Variants in PLS1 observed in about 807,000 individuals in gnomAD.
PLS1 encodes plastin-1.
A neutral mutation model predicts 73.7 loss-of-function variants in PLS1; 32 were observed. The ratio of observed to expected loss-of-function variants is 0.43; its 90% CI spans 0.33 to 0.58. The LOEUF is 0.58. Among genes scored for constraint, PLS1 ranks in the 20% least tolerant of loss-of-function variants. The pLI, the probability that PLS1 is intolerant of heterozygous loss-of-function variation, is 0.04. For missense variants in PLS1, 633 were observed against 740.5 expected (o/e 0.85, Z 1.68); for synonymous variants, 217 against 261.3 (o/e 0.83, Z 1.63).
At chr3:142,682,275 T>A (rs2037871225) in intron 6 of PLS1, among the ~76,000 whole-genome samples, 2 of 152,060 alleles carry the variant, frequency 1.3e-5, no homozygotes, top group Non-Finnish European at 2.9e-5. Flanking sequence ...ATTTGAAGAG[T>A]TAATGGGTCT....
intron 1 of PLS1, among the ~76,000 whole-genome samples, chr3:142,654,515 A>T (rs1455255480): frequency 6.6e-6 from 1 of 151,526 alleles, no homozygotes; most frequent in Non-Finnish European, 1.5e-5. Flanking sequence ...TGGCTAACTT[A>T]AAATTTTTTT....
chr3:142,648,358 T>G (rs980364171), intron 1 of PLS1, among the ~76,000 whole-genome samples: 5 of 152,086 alleles, frequency 3.3e-5, no homozygotes, highest in African/African-American at 1.2e-4. Flanking sequence ...GTTGAAAGGT[T>G]TGGAGTCTAT....
intron 10 of PLS1, among the ~76,000 whole-genome samples, chr3:142,693,725 C>T (rs1247440060): frequency 6.6e-6 from 1 of 152,106 alleles, no homozygotes; most frequent in Admixed American, 6.6e-5. Flanking sequence ...AGCACTGTTA[C>T]AAAGGGAATG....
At position 142,669,451 on chromosome 3, in the gene PLS1, C is replaced by T. The variant is rs753381485; in HGVS notation, c.132C>T (p.Ser44=). ...YELQDLFKEA[S]LPLPGYKVRE... The stretch of plus-strand genomic sequence containing the variant: ...TTCAAGACCTGTTTAAGGAAGCAAG[C>T]CTTCCTCTGCCTGGCTACAAGGTGC... The change falls in exon 3 of 16, where the codon AGC becomes AGT. Residue 44 remains serine, a synonymous_variant. Coordinates refer to ENST00000457734, the MANE Select transcript of PLS1 (RefSeq NM_001145319.2). 8.7e-6 allele frequency: 14 copies of T among 1,609,234 alleles called. No homozygotes were observed. Among genetic ancestry groups the T allele is most frequent in the Admixed American group, 1.7e-5 (1 of 59,960 alleles).
At chr3:142,626,261 A>G (rs554771630) in intron 1 of PLS1, among the ~76,000 whole-genome samples, 2 of 152,332 alleles carry the variant, frequency 1.3e-5, no homozygotes, top group African/African-American at 4.8e-5. Context: ...GCATCTTAGC[A>G]AACACAATAT....
intron 1 of PLS1, among the ~76,000 whole-genome samples, chr3:142,640,737 T>C (rs1351048748): frequency 6.6e-6 from 1 of 152,100 alleles, no homozygotes; most frequent in Admixed American, 6.6e-5. Flanking sequence ...TGGTGTCTGA[T>C]GTGGATTTGG....
intron 1 of PLS1, among the ~76,000 whole-genome samples, chr3:142,652,193 C>G (rs2037109462): frequency 6.6e-6 from 1 of 152,148 alleles, no homozygotes; most frequent in Admixed American, 6.5e-5. Context: ...AACTGATTCC[C>G]ACTTCGTAGA....
At chr3:142,636,289 T>C (rs1303060582) in intron 1 of PLS1, among the ~76,000 whole-genome samples, 2 of 152,164 alleles carry the variant, frequency 1.3e-5, no homozygotes, top group Non-Finnish European at 2.9e-5. Flanking sequence ...ATAAATAGGC[T>C]CACACATATG....
intron 1 of PLS1, among the ~76,000 whole-genome samples, chr3:142,629,822 A>T (rs2036514485): frequency 6.6e-6 from 1 of 152,156 alleles, no homozygotes; most frequent in African/African-American, 2.4e-5. Context: ...CTTTGTTTTA[A>T]GGGGATCTCC....
At chr3:142,696,476 T>G (rs185669603) in intron 11 of PLS1, among the ~76,000 whole-genome samples, 1 of 152,280 alleles carries the variant, frequency 6.6e-6, no homozygotes, top group Admixed American at 6.5e-5. Context: ...TGGAACCATG[T>G]GTCCATAGAA....
Position 142,711,502 on chromosome 3 carries a change from A to C in PLS1, c.1631A>C (p.Asp544Ala). 6.3e-7 allele frequency: 1 copy of C among 1,576,700 alleles called. No homozygotes were observed. Among genetic ancestry groups the C allele is most frequent in the Non-Finnish European group, 8.7e-7 (1 of 1,149,580 alleles). The part of the protein sequence containing the change: ...NKKTSISSFK[D>A]KSISTSLPVL... Reference sequence around the variant, plus strand: ...GTTCATCTATGCTTTATTTTCTAGGATAAATCTATAAGCACAAGTTTACCT... The same window carrying C: ...GTTCATCTATGCTTTATTTTCTAGGCTAAATCTATAAGCACAAGTTTACCT... The change falls in exon 15 of 16, where the codon GAT becomes GCT. Residue 544 changes from aspartate to alanine, a missense_variant and splice_region_variant. By Grantham distance (126) the Asp-to-Ala change is moderately radical. Coordinates refer to ENST00000457734, the MANE Select transcript of PLS1 (RefSeq NM_001145319.2).
chr3:142,639,556 C>T (rs959724371), intron 1 of PLS1, among the ~76,000 whole-genome samples: 2 of 152,136 alleles, frequency 1.3e-5, no homozygotes, highest in African/African-American at 4.8e-5. Flanking sequence ...ATACGGACAC[C>T]TCTTCTTCAT....
intron 1 of PLS1, among the ~76,000 whole-genome samples, chr3:142,632,669 AC>A (rs1373228251): frequency 1.3e-5 from 2 of 151,636 alleles, no homozygotes; most frequent in Non-Finnish European, 2.9e-5. Flanking sequence ...CATGATCCCA[AC>A]TCAATATAAC....
At chr3:142,671,244 G>GA (rs796248157) in intron 4 of PLS1, 122 bp downstream of exon 4, 1 of 834,894 alleles carries the variant, frequency 1.2e-6, no homozygotes, top group Non-Finnish European at 2.0e-6. Context: ...CCACTGAGGA[G>GA]AAAAAAATAC....
At chr3:142,688,003 A>G (rs2038008616) in intron 9 of PLS1, among the ~76,000 whole-genome samples, 3 of 149,576 alleles carry the variant, frequency 2.0e-5, no homozygotes, top group African/African-American at 7.4e-5. Flanking sequence ...GCTGGAGTGC[A>G]GTGACACAAT....
chr3:142,620,080 G>A (rs185884951), intron 1 of PLS1, among the ~76,000 whole-genome samples: 1 of 152,106 alleles, frequency 6.6e-6, no homozygotes, highest in African/African-American at 2.4e-5. Context: ...TCATTCTCAG[G>A]GGTCATCACT....
intron 6 of PLS1, among the ~76,000 whole-genome samples, chr3:142,682,671 A>G (rs919923713): frequency 6.6e-6 from 1 of 152,204 alleles, no homozygotes; most frequent in African/African-American, 2.4e-5. Context: ...AACATCATTT[A>G]TGCTCTTGGA....
intron 1 of PLS1, among the ~76,000 whole-genome samples, chr3:142,618,270 C>T (rs1220097068): frequency 2.6e-5 from 4 of 152,272 alleles, no homozygotes; most frequent in Middle Eastern, 3.4e-3. Flanking sequence ...CTACCCCCCA[C>T]CCTGCTGCAT....
Position 142,698,087 on chromosome 3 carries a change from T to C in PLS1, c.1371+20T>C. 8.1e-7 allele frequency: 1 copy of C among 1,232,640 alleles called. No homozygotes were observed. The highest frequency in any genetic ancestry group is 1.2e-6 in the Non-Finnish European group (1 of 832,626). 76.4% of individuals were successfully genotyped at this position (1,232,640 alleles called of 1,614,324 possible). A position where few individuals can be genotyped will look rare whatever the true frequency, so the allele number is the denominator to read the frequency against. On this transcript the variant is annotated intron_variant, in intron 12 of 15. Coordinates refer to ENST00000457734, the MANE Select transcript of PLS1 (RefSeq NM_001145319.2). ...AAGAAGGTGAATGAAATAATGGCCA[T>C]GGATATATTGTTATTGTTCTGATAT... is the stretch of plus-strand genomic sequence containing the variant.
Sources: gnomAD v4.1 joint callset for allele counts (sites outside exome capture counted in the v4.1 genomes callset) on GRCh38, gnomAD v4.1.1 for gene constraint, MANE v1.5 for transcripts, NCBI Gene and HGNC (gene_info 2026-07-23, HGNC 2026-07-21) for gene names.